The following LRRN3 variants were observed in gnomAD, a reference collection of about 807,000 sequenced individuals.
LRRN3 encodes leucine-rich repeat neuronal protein 3.
A neutral mutation model predicts 40.1 loss-of-function variants in LRRN3; 15 were observed. The ratio of observed to expected loss-of-function variants is 0.37; its 90% CI spans 0.25 to 0.58. LRRN3 has a LOEUF of 0.58. Among genes scored for constraint, LRRN3 ranks in the 20% least tolerant of loss-of-function variants. The pLI, the probability that LRRN3 is intolerant of heterozygous loss-of-function variation, is 0.72. For synonymous variants in LRRN3, 308 were observed against 297.2 expected (o/e 1.04, Z -0.37); for missense variants, 746 against 837.7 (o/e 0.89, Z 1.35).
At chr7:111,096,649 A>T (rs746627315) in intron 1 of LRRN3, among the ~76,000 whole-genome samples, 1 of 151,876 alleles carries the variant, frequency 6.6e-6, no homozygotes, top group African/African-American at 2.4e-5. Flanking sequence ...AAGGTCTCAA[A>T]AACTGGAAAA....
rs765377354 is a variant in LRRN3 at position 111,125,020 on chromosome 7, G to T, written c.*121G>T. The T allele has an allele frequency of 2.7e-6, 2 of 751,720 alleles. No individual in the cohort carries two copies. The highest frequency in any genetic ancestry group is 2.8e-5 in the East Asian group (1 of 35,542). 46.6% of individuals were successfully genotyped at this position (751,720 alleles called of 1,614,324 possible). On this transcript the variant is annotated 3_prime_UTR_variant, in exon 3 of 3. Coordinates refer to ENST00000308478, the MANE Select transcript of LRRN3 (RefSeq NM_001099658.2). ...AAAAAAGTAAAAAAAGATTACTTTC[G>T]AGAGAGAAGTTTAAGCTTCACCAAT...
At chr7:111,103,404 G>A (rs1432282712) in intron 2 of LRRN3, among the ~76,000 whole-genome samples, 1 of 151,546 alleles carries the variant, frequency 6.6e-6, no homozygotes, top group Non-Finnish European at 1.5e-5. Context: ...TAGCCACACT[G>A]ATTTGCACCT....
intron 1 of LRRN3, among the ~76,000 whole-genome samples, chr7:111,092,127 C>A (rs1213966939): frequency 6.6e-6 from 1 of 152,154 alleles, no homozygotes. Flanking sequence ...TTCTGCCAGG[C>A]TACATCTTAC....
Position 111,122,699 on chromosome 7 carries a change from G to A in LRRN3, c.-74G>A. On this transcript the variant is annotated 5_prime_UTR_variant, in exon 3 of 3. Transcript: ENST00000308478. ...ATGCAAGCATCTTCCTTATCAATCA[G>A]CTCCTATTGAACTTACTAGCACTGA... 1 of 1,123,018 alleles carries A rather than the reference G, an allele frequency of 8.9e-7. No individual in the cohort carries two copies. 69.6% of individuals were successfully genotyped at this position (1,123,018 alleles called of 1,614,324 possible). A position where few individuals can be genotyped will look rare whatever the true frequency, so the allele number is the denominator to read the frequency against.
At chr7:111,098,878 T>C (rs562434086) in intron 1 of LRRN3, among the ~76,000 whole-genome samples, 10 of 151,878 alleles carry the variant, frequency 6.6e-5, no homozygotes, top group Middle Eastern at 3.4e-3. Context: ...CTAGTTGATA[T>C]CGCCTTCCAA....
intron 2 of LRRN3, among the ~76,000 whole-genome samples, chr7:111,109,511 A>G (rs1284316914): frequency 6.6e-6 from 1 of 152,188 alleles, no homozygotes; most frequent in Non-Finnish European, 1.5e-5. Flanking sequence ...AAGTACATAT[A>G]TATCTGCGAC....
In LRRN3 at chr7:111,111,299, TAA is replaced by T. The variant is rs751990466; in HGVS notation, c.-358-11094_-358-11093del. Among the ~76,000 whole-genome samples, 28 of 92,216 alleles carry T rather than the reference TAA, an allele frequency of 3.0e-4. 1 individual carries two copies. Among genetic ancestry groups the T allele is most frequent in the South Asian group, 1.0e-3 (3 of 2,942 alleles). The allele number at this position is 92,216 out of a possible 152,430, so 60.5% of individuals were successfully genotyped here. A position where few individuals can be genotyped will look rare whatever the true frequency, so the allele number is the denominator to read the frequency against. On this transcript the variant is annotated intron_variant, in intron 2 of 2. Transcript: ENST00000308478. The stretch of plus-strand genomic sequence containing the variant: ...CCATGCTCTTCATGGGTAGCAGTTG[TAA>T]AAAAAAAAAAAAAAAAAAAAAGTTA...
chr7:111,111,300 A>AG (rs1799167866), intron 2 of LRRN3, among the ~76,000 whole-genome samples: 1 of 102,224 alleles, frequency 9.8e-6, no homozygotes, highest in Non-Finnish European at 1.8e-5. Flanking sequence ...TAGCAGTTGT[A>AG]AAAAAAAAAA....
intron 2 of LRRN3, among the ~76,000 whole-genome samples, chr7:111,103,106 TAATG>T (rs1420788304): frequency 6.6e-6 from 1 of 151,664 alleles, no homozygotes; most frequent in Non-Finnish European, 1.5e-5. Context: ...GCGTGAGTAC[TAATG>T]AATGTTGTTA....
At chr7:111,108,087 C>G (rs1798752637) in intron 2 of LRRN3, among the ~76,000 whole-genome samples, 1 of 152,028 alleles carries the variant, frequency 6.6e-6, no homozygotes, top group South Asian at 2.1e-4. Context: ...AGTACAGTGT[C>G]TTCTGTAAGT....
intron 2 of LRRN3, among the ~76,000 whole-genome samples, chr7:111,106,728 C>A (rs1463133291): frequency 6.8e-6 from 1 of 147,738 alleles, no homozygotes; most frequent in African/African-American, 2.5e-5. Flanking sequence ...ACTGCCCTTA[C>A]AGATCTTGCA....
chr7:111,104,555 G>A (rs925579785), intron 2 of LRRN3, among the ~76,000 whole-genome samples: 3 of 151,552 alleles, frequency 2.0e-5, no homozygotes, highest in African/African-American at 7.3e-5. Flanking sequence ...ACTTAGTATG[G>A]TTGCCAGCAA....
At position 111,123,344 on chromosome 7, in the gene LRRN3, A is replaced by G. The variant is rs1751496050; in HGVS notation, c.572A>G (p.Glu191Gly). 6.2e-7 allele frequency: 1 copy of G among 1,613,712 alleles called. No individual in the cohort carries two copies. The highest frequency in any genetic ancestry group is 1.1e-5 in the South Asian group (1 of 91,060). The part of the protein sequence containing the change: ...SKWFDALPNL[E>G]ILMIGENPII... ...TGGTTTGATGCTCTTCCAAATCTAG[A>G]GATTCTGATGATTGGGGAAAATCCA... is the stretch of plus-strand genomic sequence containing the variant. Residue 191 changes from glutamate to glycine, a missense_variant, in exon 3 of 3, where the codon GAG becomes GGG. Glu to Gly is a moderately conservative substitution (Grantham distance 98). Transcript: ENST00000308478. This position sits in a 1 kb window ranked among gnomAD's most constrained non-coding sequence, Gnocchi z 6.4.
intron 1 of LRRN3, among the ~76,000 whole-genome samples, chr7:111,098,615 A>G (rs1411674608): frequency 6.6e-6 from 1 of 151,760 alleles, no homozygotes; most frequent in Non-Finnish European, 1.5e-5. Flanking sequence ...TTTACAACAT[A>G]CAAGCATTTT....
intron 1 of LRRN3, among the ~76,000 whole-genome samples, chr7:111,094,236 T>C (rs1797170272): frequency 6.6e-6 from 1 of 152,018 alleles, no homozygotes; most frequent in Admixed American, 6.6e-5. Flanking sequence ...ATAACCGGAG[T>C]TTCGTTTTAA....
chr7:111,124,763 A>G lies in LRRN3; in HGVS notation c.1991A>G (p.Asn664Ser). 5 of 1,613,926 alleles carry G rather than the reference A, an allele frequency of 3.1e-6. No homozygotes were observed. Among genetic ancestry groups the G allele is most frequent in the Non-Finnish European group, 4.2e-6 (5 of 1,179,994 alleles). The change falls in exon 3 of 3, where the codon AAT (asparagine) becomes AGT (serine). Residue 664 changes from asparagine to serine, a missense_variant. By Grantham distance (46) the Asn-to-Ser change is conservative. Transcript: ENST00000308478. Reference protein sequence around the residue: ...NCDGGHSYVRNYLQKPTFALG... With the variant: ...NCDGGHSYVRSYLQKPTFALG... Reference sequence around the variant, plus strand: ...GATGGTGGACACAGCTATGTGAGGAATTACTTACAGAAACCAACCTTTGCA... The same window carrying G: ...GATGGTGGACACAGCTATGTGAGGAGTTACTTACAGAAACCAACCTTTGCA...
rs1264131814 is a variant in LRRN3, at chr7:111,124,110, T to C, written c.1338T>C (p.Ala446=). 1 of 1,613,984 alleles carries C rather than the reference T, an allele frequency of 6.2e-7. No individual in the cohort carries two copies. The highest frequency in any genetic ancestry group is 8.5e-7 in the Non-Finnish European group (1 of 1,180,004). Residue 446 remains alanine, a synonymous_variant, in exon 3 of 3, where the codon GCT becomes GCC. Coordinates refer to ENST00000308478, the MANE Select transcript of LRRN3 (RefSeq NM_001099658.2). The part of the protein sequence containing the change: ...AGSYVSFHCR[A]TAEPQPEIYW... ...GCTATGTTTCCTTTCACTGTAGAGC[T>C]ACTGCAGAACCACAGCCTGAAATCT... is the stretch of plus-strand genomic sequence containing the variant.
intron 2 of LRRN3, among the ~76,000 whole-genome samples, chr7:111,114,738 C>CAA (rs567078227): frequency 3.9e-3 from 246 of 62,584 alleles, no homozygotes; most frequent in African/African-American, 5.5e-3. Flanking sequence ...GACTCCATCT[C>CAA]AAAAAAAAAA....
chr7:111,095,188 G>A (rs957963615), intron 1 of LRRN3, among the ~76,000 whole-genome samples: 2 of 151,954 alleles, frequency 1.3e-5, no homozygotes, highest in African/African-American at 4.8e-5. Context: ...TTTTTGAACT[G>A]AAAGAGACAT....
Sources: gnomAD v4.1 joint callset for allele counts (sites outside exome capture counted in the v4.1 genomes callset) on GRCh38, gnomAD v4.1.1 for gene constraint, Gnocchi (gnomAD v3.1) non-coding constraint, MANE v1.5 for transcripts, NCBI Gene and HGNC (gene_info 2026-07-23, HGNC 2026-07-21) for gene names.